The following MROH9 variants were observed in gnomAD, a reference collection of about 807,000 sequenced individuals.
MROH9 encodes maestro heat like repeat family member 9, also known as maestro heat-like repeat-containing protein family member 9.
Under a neutral mutation model 98.2 loss-of-function variants are expected in MROH9, and 92 were observed. The observed-to-expected ratio is 0.94, with a 90% confidence interval of 0.79 to 1.11. The LOEUF is 1.11. Among genes scored for constraint, MROH9 ranks in the 50% most tolerant of loss-of-function variants. MROH9 has a pLI of 0.00. For missense variants in MROH9, 1,057 were observed against 1,014.8 expected (o/e 1.04, Z -0.57); for synonymous variants, 397 against 368.9 (o/e 1.08, Z -0.87).
chr1:170,954,309 T>C (rs552898522), intron 3 of MROH9, among the ~76,000 whole-genome samples: 1 of 152,220 alleles, frequency 6.6e-6, no homozygotes, highest in East Asian at 1.9e-4. Flanking sequence ...ACATATTGAA[T>C]TGTAAATTCT....
intron 20 of MROH9, among the ~76,000 whole-genome samples, chr1:171,060,047 G>C (rs1025488593): frequency 6.6e-6 from 1 of 151,840 alleles, no homozygotes; most frequent in Admixed American, 6.6e-5. Flanking sequence ...TACCTATTGG[G>C]TACAGTGTAC....
At chr1:170,953,894 A>AG (rs1311725118) in intron 3 of MROH9, among the ~76,000 whole-genome samples, 1 of 117,182 alleles carries the variant, frequency 8.5e-6, no homozygotes, top group African/African-American at 3.2e-5. Flanking sequence ...AAAGAAAGAA[A>AG]AAAAGAGAGA....
chr1:170,962,059 T>C (rs1650036207), intron 6 of MROH9, 83 bp downstream of exon 6: 1 of 728,690 alleles, frequency 1.4e-6, no homozygotes, highest in Admixed American at 3.8e-5. Context: ...ATTTGCTATA[T>C]TTGCATCTCC....
At chr1:171,058,487 G>GA (rs60323671) in intron 20 of MROH9, among the ~76,000 whole-genome samples, 2,759 of 150,206 alleles carry the variant, frequency 0.018, 94 homozygotes, top group African/African-American at 0.064. Context: ...CATAAAATTA[G>GA]AAAAAAAAAC....
In MROH9 at chr1:170,983,485, T is replaced by A. The variant is rs201549824; in HGVS notation, c.680T>A (p.Val227Glu). The A allele has an allele frequency of 2.5e-6, 4 of 1,613,422 alleles. No individual in the cohort carries two copies. Among genetic ancestry groups the A allele is most frequent in the Non-Finnish European group, 2.5e-6 (3 of 1,179,608 alleles). ...SHSLQFPSSD[V>E]EFLPKEFQQD... ...AGCCTCCAGTTTCCTTCTTCTGATGTAGAATTTCTACCCAAGGAGTTTCAA... is the reference window on the plus strand; with the variant it reads ...AGCCTCCAGTTTCCTTCTTCTGATGAAGAATTTCTACCCAAGGAGTTTCAA... Residue 227 changes from valine (V) to glutamate (E), a missense_variant, in exon 9 of 22, where the codon GTA (valine) becomes GAA (glutamate). Val to Glu is a moderately radical substitution (Grantham distance 121). Coordinates refer to ENST00000367759, the MANE Select transcript of MROH9 (RefSeq NM_001163629.2).
chr1:170,957,955 C>T (rs6675766), intron 3 of MROH9, among the ~76,000 whole-genome samples: 72,245 of 151,508 alleles, frequency 0.48, 17,887 homozygotes, highest in East Asian at 0.73. Flanking sequence ...ACTACAGGCG[C>T]CCGCTACCAC....
intron 7 of MROH9, among the ~76,000 whole-genome samples, chr1:170,970,317 A>G (rs966681300): frequency 6.6e-6 from 1 of 152,116 alleles, no homozygotes; most frequent in Non-Finnish European, 1.5e-5. Context: ...CATACCCAGT[A>G]GAGAGAGAAA....
chr1:171,064,082 C>T lies in MROH9; in HGVS notation c.2345-17C>T, dbSNP rs1203179996. 6.6e-7 allele frequency: 1 copy of T among 1,520,756 alleles called. No homozygotes were observed. Among genetic ancestry groups the T allele is most frequent in the Non-Finnish European group, 8.8e-7 (1 of 1,138,358 alleles). The allele number at this position is 1,520,756 out of a possible 1,614,324, so 94.2% of individuals were successfully genotyped here. A position where few individuals can be genotyped will look rare whatever the true frequency, so the allele number is the denominator to read the frequency against. On this transcript the variant is annotated splice_polypyrimidine_tract_variant and intron_variant, in intron 21 of 21. Transcript: ENST00000367759. ...AGAAAGAGATAACTTGAACTAAAGT[C>T]TCTTCTGATATTACAGTTATTGAAC... is the stretch of plus-strand genomic sequence containing the variant.
chr1:171,063,302 G>A (rs1171630010), intron 21 of MROH9, among the ~76,000 whole-genome samples: 2 of 142,506 alleles, frequency 1.4e-5, no homozygotes, highest in Non-Finnish European at 3.0e-5. Context: ...CACCCAGCTG[G>A]AGTGCAGTGG....
intron 20 of MROH9, among the ~76,000 whole-genome samples, chr1:171,032,761 C>T (rs994221030): frequency 3.3e-5 from 5 of 152,142 alleles, no homozygotes; most frequent in Non-Finnish European, 7.4e-5. Flanking sequence ...TTGGGTACCA[C>T]GGAGAACAAT....
intron 15 of MROH9, among the ~76,000 whole-genome samples, chr1:171,005,663 C>T (rs914982341): frequency 6.6e-6 from 1 of 152,112 alleles, no homozygotes; most frequent in African/African-American, 2.4e-5. Context: ...GCCCAACAGG[C>T]ATTTTATGGA....
rs192982394 is a variant in MROH9 at position 171,016,878 on chromosome 1, T to C, written c.1908+542T>C. On this transcript the variant is annotated intron_variant, in intron 17 of 21. Coordinates refer to ENST00000367759, the MANE Select transcript of MROH9 (RefSeq NM_001163629.2). Reference sequence around the variant, plus strand: ...AAATTCTCATTTTACATGGTAAATATGTTTCAGAAAAGTTTAATGAAAACT... The same window carrying C: ...AAATTCTCATTTTACATGGTAAATACGTTTCAGAAAAGTTTAATGAAAACT... 4.6e-5 allele frequency among the ~76,000 whole-genome samples: 7 copies of C among 152,332 alleles called. No individual in the cohort carries two copies. The East Asian group carries it at 1.4e-3, about 29-fold the overall frequency.
In MROH9 at chr1:171,044,942, C is replaced by T. The variant is rs183159058; in HGVS notation, c.2282-17190C>T. ...CACTTATCATTTGTATTGTTGTTTT[C>T]AGTTCAATTCCATTTATTTCTGCTC... On this transcript the variant is annotated intron_variant, in intron 20 of 21. Transcript: ENST00000367759. Among the ~76,000 whole-genome samples the T allele has an allele frequency of 5.8e-5, 6 of 102,592 alleles. No homozygotes were observed. The East Asian group carries it at 2.0e-3, about 34-fold the overall frequency. 67.3% of individuals were successfully genotyped at this position (102,592 alleles called of 152,430 possible).
intron 1 of MROH9, among the ~76,000 whole-genome samples, chr1:170,943,652 G>GA (rs917372830): frequency 1.8e-4 from 26 of 146,208 alleles, no homozygotes; most frequent in Middle Eastern, 3.5e-3. Flanking sequence ...CTATATAGGA[G>GA]AAAAAAAAAA....
chr1:170,986,641 T>A lies in MROH9; in HGVS notation c.810T>A (p.Asp270Glu). 6.2e-7 allele frequency: 1 copy of A among 1,613,948 alleles called. No homozygotes were observed. The highest frequency in any genetic ancestry group is 8.5e-7 in the Non-Finnish European group (1 of 1,179,920). Residue 270 changes from aspartate to glutamate, a missense_variant, in exon 10 of 22, where the codon GAT becomes GAA. Transcript: ENST00000367759. Reference protein sequence around the residue: ...SLLMKLSSPDDKIASDAASIL... With the variant: ...SLLMKLSSPDEKIASDAASIL... ...TGATGAAACTCTCTTCACCTGATGA[T>A]AAAATCGCATCTGATGCAGCATCCA...
chr1:170,971,948 A>T, intron 8 of MROH9, 65 bp downstream of exon 8: 1 of 1,545,728 alleles, frequency 6.5e-7, no homozygotes, highest in South Asian at 1.2e-5. Flanking sequence ...TTCAACTTAT[A>T]GGTCCTGGGA....
Position 170,959,504 on chromosome 1 carries a change from A to T in MROH9, c.195A>T (p.Ile65=). 1 of 1,613,562 alleles carries T rather than the reference A, an allele frequency of 6.2e-7. No individual in the cohort carries two copies. ...PLLQFESQLK[I]IESSFGMLVV... is the part of the protein sequence containing the mutation. ...TGCAGTTTGAATCTCAGTTGAAGATAATAGAGTCATCCTTTGGAATGCTAG... is the reference window on the plus strand; with the variant it reads ...TGCAGTTTGAATCTCAGTTGAAGATTATAGAGTCATCCTTTGGAATGCTAG... The change falls in exon 5 of 22, where the codon ATA becomes ATT. Residue 65 remains isoleucine, a synonymous_variant. Coordinates refer to ENST00000367759, the MANE Select transcript of MROH9 (RefSeq NM_001163629.2).
At chr1:171,014,291 A>G in intron 16 of MROH9, 37 bp downstream of exon 16, 1 of 1,525,704 alleles carries the variant, frequency 6.6e-7, no homozygotes, top group South Asian at 1.2e-5. Flanking sequence ...AGCATCATCT[A>G]AATCATAATC....
intron 20 of MROH9, among the ~76,000 whole-genome samples, chr1:171,059,708 A>ATG (rs1481762013): frequency 1.6e-4 from 25 of 152,332 alleles, no homozygotes; most frequent in South Asian, 6.2e-4. Flanking sequence ...CATAAAAAGA[A>ATG]ATGAGATCAT....
Sources: allele counts gnomAD v4.1 joint callset (sites outside exome capture counted in the v4.1 genomes callset), GRCh38; gene constraint gnomAD v4.1.1; transcripts MANE v1.5; gene names NCBI Gene and HGNC (gene_info 2026-07-23, HGNC 2026-07-21).